Variants in ZNF638 observed in about 807,000 individuals in gnomAD.
ZNF638 encodes the protein zinc finger protein 638, also known as CTCL tumor antigen se33-1.
Under a neutral mutation model 195.6 loss-of-function variants are expected in ZNF638, and 46 were observed. The ratio of observed to expected loss-of-function variants is 0.24; its 90% CI spans 0.19 to 0.30. The LOEUF is 0.30. Among genes scored for constraint, ZNF638 ranks in the 10% least tolerant of loss-of-function variants. ZNF638 has a pLI of 1.00. For synonymous variants in ZNF638, 845 were observed against 772.0 expected (o/e 1.09, Z -1.57); for missense variants, 2,440 against 2,325.3 (o/e 1.05, Z -1.01).
chr2:71,338,503 T>C (rs2078710002), intron 1 of ZNF638, among the ~76,000 whole-genome samples: 1 of 152,248 alleles, frequency 6.6e-6, no homozygotes, highest in South Asian at 2.1e-4. Flanking sequence ...AACATTTACT[T>C]ACTTGCTCAA....
intron 2 of ZNF638, among the ~76,000 whole-genome samples, chr2:71,353,404 A>C (rs182827854): frequency 1.3e-5 from 2 of 152,330 alleles, no homozygotes; most frequent in Admixed American, 1.3e-4. Context: ...ATATATTTTC[A>C]GTTTCATTCT....
At chr2:71,374,699 CTTGAGCTCAGGAGT>C (rs1405866590) in intron 8 of ZNF638, 3 of 152,196 alleles carry the variant, frequency 2.0e-5, no homozygotes, top group Non-Finnish European at 4.4e-5. Context: ...GGGCAGATAA[CTTGAGCTCAGGAGT>C]TTGAGACCAG....
rs1553484769 is a variant in ZNF638, at chr2:71,411,474, A to ATG, written c.3261+3228_3261+3229insGT. 2.5e-4 allele frequency among the ~76,000 whole-genome samples: 31 copies of ATG among 122,766 alleles called. 2 individuals are homozygous for ATG. The East Asian group carries it at 5.9e-3, about 24-fold the overall frequency. The allele number at this position is 122,766 out of a possible 152,430, so 80.5% of individuals were successfully genotyped here. A position where few individuals can be genotyped will look rare whatever the true frequency, so the allele number is the denominator to read the frequency against. On this transcript the variant is annotated intron_variant, in intron 20 of 27. Transcript: ENST00000264447. ...ATTTATTTTTTATTTTTTATTTTTA[A>ATG]TTTTTTTTTTTTTATTATACTCTAA...
intron 24 of ZNF638, 106 bp from the exon 25 acceptor site, chr2:71,428,441 T>C (rs755612141): frequency 4.2e-4 from 396 of 947,218 alleles, no homozygotes; most frequent in Non-Finnish European, 5.5e-4. Flanking sequence ...AATTTGGGTA[T>C]TTTTTGCAAA....
intron 20 of ZNF638, among the ~76,000 whole-genome samples, chr2:71,411,487 T>A (rs1303112302): frequency 7.1e-6 from 1 of 141,628 alleles, no homozygotes; most frequent in African/African-American, 2.6e-5. Flanking sequence ...TTTTTTTTTT[T>A]ATTATACTCT....
chr2:71,419,974 C>CTTT (rs58583336), intron 21 of ZNF638, among the ~76,000 whole-genome samples: 13 of 27,022 alleles, frequency 4.8e-4, no homozygotes, highest in African/African-American at 4.8e-4. Context: ...CCCCCCCCGC[C>CTTT]TTTTTTTTTT....
Position 71,344,892 on chromosome 2 carries a change from G to A in ZNF638, c.-202-3861G>A, listed in dbSNP as rs371321394. 3.9e-5 allele frequency among the ~76,000 whole-genome samples: 6 copies of A among 152,154 alleles called. No individual in the cohort carries two copies. In the South Asian group the frequency reaches 8.3e-4, roughly 21 times the overall value. On this transcript the variant is annotated intron_variant, in intron 1 of 27. Transcript: ENST00000264447. Reference sequence around the variant, plus strand: ...ATTTTATTTGGAGTGGATATGAATGGTAGAAGACAAACTTTGCTAAATGAT... The same window carrying A: ...ATTTTATTTGGAGTGGATATGAATGATAGAAGACAAACTTTGCTAAATGAT...
intron 10 of ZNF638, among the ~76,000 whole-genome samples, chr2:71,393,832 G>A (rs964064443): frequency 1.3e-5 from 2 of 152,064 alleles, no homozygotes; most frequent in African/African-American, 4.8e-5. Flanking sequence ...TATCCCAGTA[G>A]GGTCCGTTAT....
rs376654170 is a variant in ZNF638, at chr2:71,426,142, C to CT, written c.4591-317dup. Reference sequence around the variant, plus strand: ...TGGAACAGTAAATCCTTTGTACTGTCTGACAAATACTTTAAATGTATTTTT... The same window carrying CT: ...TGGAACAGTAAATCCTTTGTACTGTCTTGACAAATACTTTAAATGTATTTTT... On this transcript the variant is annotated intron_variant, in intron 23 of 27. Transcript: ENST00000264447. Among the ~76,000 whole-genome samples the CT allele has an allele frequency of 3.0e-3, 450 of 152,254 alleles. 2 individuals carry two copies. The highest frequency in any genetic ancestry group is 0.01 in the African/African-American group (430 of 41,550).
chr2:71,378,070 A>G (rs2079466779), intron 8 of ZNF638, among the ~76,000 whole-genome samples: 1 of 152,228 alleles, frequency 6.6e-6, no homozygotes, highest in Admixed American at 6.5e-5. Context: ...GAAGATCTTA[A>G]GAAATGGAGA....
chr2:71,332,313 C>T (rs960389599), intron 1 of ZNF638, among the ~76,000 whole-genome samples: 8 of 152,232 alleles, frequency 5.3e-5, no homozygotes, highest in African/African-American at 1.9e-4. Context: ...AGGAAGCGTT[C>T]CCGTCGGGCC....
intron 8 of ZNF638, among the ~76,000 whole-genome samples, chr2:71,378,132 C>T (rs1292169157): frequency 6.6e-6 from 1 of 151,976 alleles, no homozygotes. Flanking sequence ...TAAACATAGA[C>T]TAAAATCTAA....
At chr2:71,393,645 T>C in intron 10 of ZNF638, 1 of 717,870 alleles carries the variant, frequency 1.4e-6, no homozygotes, top group Non-Finnish European at 2.6e-6. Flanking sequence ...TGCTCTCTGG[T>C]GTAAGTTACA....
At position 71,391,426 on chromosome 2, in the gene ZNF638, C is replaced by T. The variant is rs369243922; in HGVS notation, c.2378-4715C>T. Among the ~76,000 whole-genome samples the T allele has an allele frequency of 1.3e-5, 2 of 152,164 alleles. 1 individual carries two copies. The highest frequency in any genetic ancestry group is 4.1e-4 in the South Asian group (2 of 4,832). On this transcript the variant is annotated intron_variant, in intron 10 of 27. Coordinates refer to ENST00000264447, the MANE Select transcript of ZNF638 (RefSeq NM_014497.5). ...AATGCTGAACAGTCCTACCATGTGTCAGCATCATGTAAATCAGGCTTTGCT... is the reference window on the plus strand; with the variant it reads ...AATGCTGAACAGTCCTACCATGTGTTAGCATCATGTAAATCAGGCTTTGCT...
intron 19 of ZNF638, among the ~76,000 whole-genome samples, chr2:71,406,924 C>T (rs2080117231): frequency 6.6e-6 from 1 of 152,118 alleles, no homozygotes; most frequent in African/African-American, 2.4e-5. Context: ...GGTTTGAGCC[C>T]AGGAGTTGGA....
chr2:71,395,091 C>A (rs2079864992), intron 10 of ZNF638, among the ~76,000 whole-genome samples: 1 of 152,084 alleles, frequency 6.6e-6, no homozygotes, highest in African/African-American at 2.4e-5. Flanking sequence ...AACTAAAATT[C>A]TAGAATCCCT....
At chr2:71,393,486 G>A (rs1408252832) in intron 10 of ZNF638, 8 of 717,698 alleles carry the variant, frequency 1.1e-5, no homozygotes, top group Non-Finnish European at 1.8e-5. Context: ...TGATCCTGCA[G>A]GACCCGCAGC....
At chr2:71,359,678 A>G (rs2079077502) in intron 3 of ZNF638, among the ~76,000 whole-genome samples, 1 of 152,222 alleles carries the variant, frequency 6.6e-6, no homozygotes, top group South Asian at 2.1e-4. Flanking sequence ...ATTGCTTCAT[A>G]ACTTTCTCTC....
rs943884329 is a variant in ZNF638 at position 71,368,273 on chromosome 2, A to G, written c.1996-109A>G. 4.0e-6 allele frequency: 4 copies of G among 990,112 alleles called. No individual in the cohort carries two copies. The African/African-American group carries it at 6.7e-5, about 17-fold the overall frequency. 61.3% of individuals were successfully genotyped at this position (990,112 alleles called of 1,614,324 possible). On this transcript the variant is annotated intron_variant, in intron 6 of 27. Coordinates refer to ENST00000264447, the MANE Select transcript of ZNF638 (RefSeq NM_014497.5). ...AAAATGGGTAAAAAATATGGAAAAG[A>G]CCCTTTAGTGTACTAATATTAGTGG...
Sources: allele counts gnomAD v4.1 joint callset (sites outside exome capture counted in the v4.1 genomes callset), GRCh38; gene constraint gnomAD v4.1.1; transcripts MANE v1.5; gene names NCBI Gene and HGNC (gene_info 2026-07-23, HGNC 2026-07-21).